MUC4: variants seen among roughly 807,000 people sequenced by gnomAD.
MUC4 encodes the protein mucin-4.
Under a neutral mutation model 257.9 loss-of-function variants are expected in MUC4, and 202 were observed. The observed-to-expected ratio is 0.78, with a 90% CI of 0.70 to 0.88. The LOEUF is 0.88. Ranked by LOEUF, MUC4 falls within the 40% of genes least tolerant of loss-of-function variation. The pLI is 0.00. For missense variants in MUC4, 5,976 were observed against 6,513.7 expected (o/e 0.92, Z 2.84); for synonymous variants, 2,351 against 2,757.1 (o/e 0.85, Z 4.62).
At chr3:195,795,060 T>A (rs1734404079) in intron 1 of MUC4, among the ~76,000 whole-genome samples, 1 of 152,236 alleles carries the variant, frequency 6.6e-6, no homozygotes, top group Non-Finnish European at 1.5e-5. Context: ...TTGATAGGAC[T>A]CTAAACTCGA....
chr3:195,761,135 C>T lies in MUC4; in HGVS notation c.14615-18G>A, dbSNP rs1426617851. On this transcript the variant is annotated intron_variant, in intron 15 of 24. Coordinates refer to ENST00000463781, the MANE Select transcript of MUC4 (RefSeq NM_018406.7). ...GATCTGCCCTGTAACACACAGAGCGCGGTGGTACCAGGCATGGCACTCAGC... is the reference window on the plus strand; with the variant it reads ...GATCTGCCCTGTAACACACAGAGCGTGGTGGTACCAGGCATGGCACTCAGC... 1.9e-5 allele frequency: 30 copies of T among 1,598,204 alleles called. No individual in the cohort carries two copies. Among genetic ancestry groups the T allele is most frequent in the African/African-American group, 8.0e-5 (6 of 74,612 alleles).
chr3:195,808,535 C>A (rs1187081023), intron 1 of MUC4, among the ~76,000 whole-genome samples: 1 of 152,192 alleles, frequency 6.6e-6, no homozygotes, highest in Non-Finnish European at 1.5e-5. Flanking sequence ...ACACCAGATG[C>A]TGTCTCGTTT....
chr3:195,781,053 G>T lies in MUC4; in HGVS notation c.10527C>A (p.Gly3509=). 1.3e-6 allele frequency: 2 copies of T among 1,499,716 alleles called. No individual in the cohort carries two copies. The highest frequency in any genetic ancestry group is 1.2e-5 in the South Asian group (1 of 82,102). The allele number at this position is 1,499,716 out of a possible 1,614,324, so 92.9% of individuals were successfully genotyped here. The change falls in exon 2 of 25, where the codon GGC becomes GGA. Residue 3509 remains glycine, a synonymous_variant. Transcript: ENST00000463781. Reference sequence around the variant, plus strand: ...CGTGACCGGTGGATGCTGAGGAAGCGCCGGTGACAGGAAGAGTGCTGGTGT... The same window carrying T: ...CGTGACCGGTGGATGCTGAGGAAGCTCCGGTGACAGGAAGAGTGCTGGTGT... ...TGDTSTLPVT[G]ASSASTGHAT... is the part of the protein sequence containing the mutation.
intron 1 of MUC4, among the ~76,000 whole-genome samples, chr3:195,808,377 G>T (rs1489846295): frequency 1.3e-5 from 2 of 151,988 alleles, no homozygotes; most frequent in African/African-American, 4.8e-5. Context: ...CACCACGCCC[G>T]GCAAAATTTT....
rs143578760 is a variant in MUC4 at position 195,749,029 on chromosome 3, C to T, written c.15907G>A (p.Asp5303Asn). 9.9e-5 allele frequency: 159 copies of T among 1,608,804 alleles called. No homozygotes were observed. Among genetic ancestry groups the T allele is most frequent in the Middle Eastern group, 3.3e-4 (2 of 6,042 alleles). ...ACCAGGTCGTAGCCCTTGTAGCCATCGCATCTGAAGTAAGCCTTCAGCGTG... is the reference window on the plus strand; with the variant it reads ...ACCAGGTCGTAGCCCTTGTAGCCATTGCATCTGAAGTAAGCCTTCAGCGTG... ...VSTLKAYFRC[D>N]GYKGYDLVYS... Residue 5303 changes from aspartate (D) to asparagine (N), a missense_variant, in exon 24 of 25, where the codon GAT becomes AAT. Physicochemically the swap from Asp to Asn is conservative, Grantham distance 23 (BLOSUM62 1). Coordinates refer to ENST00000463781, the MANE Select transcript of MUC4 (RefSeq NM_018406.7).
chr3:195,754,371 A>G lies in MUC4; in HGVS notation c.15170T>C (p.Val5057Ala), dbSNP rs1285970453. Reference protein sequence around the residue: ...TSRVGNSSLEVAGCKCDGGTF... With the variant: ...TSRVGNSSLEAAGCKCDGGTF... ...GCCCCCGTCACACTTGCAGCCAGCC[A>G]CCTGGAGGAGGGTTGCCGATCACGG... The change falls in exon 19 of 25, where the codon GTG becomes GCG. Residue 5057 changes from valine to alanine, a missense_variant and splice_region_variant. Transcript: ENST00000463781. The G allele has an allele frequency of 6.2e-7, 1 of 1,605,554 alleles. No individual in the cohort carries two copies.
chr3:195,748,913 C>A lies in MUC4; in HGVS notation c.16023G>T (p.Gly5341=). 1 of 1,581,402 alleles carries A rather than the reference C, an allele frequency of 6.3e-7. No homozygotes were observed. Among genetic ancestry groups the A allele is most frequent in the South Asian group, 1.2e-5 (1 of 86,438 alleles). ...ACAGCCCTATGCACCTGCAGCGGGG[C>A]CCACTGGGCAGGTGCTGGCACTGGC... ...HGGQCQHLPS[G]PRCSCVSFSI... Residue 5341 remains glycine (G), a synonymous_variant, in exon 24 of 25, where the codon GGG becomes GGT. Coordinates refer to ENST00000463781, the MANE Select transcript of MUC4 (RefSeq NM_018406.7).
Position 195,762,086 on chromosome 3 carries a change from C to T in MUC4, c.14512+1G>A. ...CAGAGGCAGGTCCGAGCCGCCCTCA[C>T]CCAGGAGCCCCTCCGTGCGGTTCTG... On this transcript the variant is annotated splice_donor_variant, in intron 14 of 24. Transcript: ENST00000463781. LOFTEE classifies it high-confidence loss of function. The T allele has an allele frequency of 6.3e-7, 1 of 1,591,102 alleles. No individual in the cohort carries two copies. Among genetic ancestry groups the T allele is most frequent in the Non-Finnish European group, 8.5e-7 (1 of 1,172,756 alleles).
chr3:195,805,403 A>G (rs78843440), intron 1 of MUC4, among the ~76,000 whole-genome samples: 2,294 of 150,226 alleles, frequency 0.015, 72 homozygotes, highest in African/African-American at 0.053. Flanking sequence ...CTTTTCCCCA[A>G]CGCCTCCTTC....
intron 5 of MUC4, chr3:195,770,946 C>T (rs1248971680): frequency 4.5e-6 from 2 of 447,516 alleles, no homozygotes; most frequent in African/African-American, 4.0e-5. Flanking sequence ...TGTAGGTCTT[C>T]TCGTGGCCGG....
intron 19 of MUC4, 68 bp downstream of exon 19, chr3:195,754,145 G>A: frequency 6.6e-7 from 1 of 1,506,468 alleles, no homozygotes; most frequent in Admixed American, 2.2e-5. Context: ...TTTGCCTTTG[G>A]CTGTCTACAC....
Position 195,787,999 on chromosome 3 carries a change from G to T in MUC4, c.3581C>A (p.Ser1194Tyr). Residue 1194 changes from serine to tyrosine, a missense_variant, in exon 2 of 25, where the codon TCC (serine) becomes TAC (tyrosine). Around this residue, in one of 44 missense-constraint regions of MUC4, gnomAD observed 90 missense variants for 106.2 expected, o/e 0.85. Coordinates refer to ENST00000463781, the MANE Select transcript of MUC4 (RefSeq NM_018406.7). Reference protein sequence around the residue: ...PLPVTSPSSASTGHATPLLVT... With the variant: ...PLPVTSPSSAYTGHATPLLVT... ...AAGAAGAGGGGTGGCGTGACCTGTG[G>T]ATGCTGAGGAAGGGCTAGTGACAGG... 22 of 1,383,276 alleles carry T rather than the reference G, an allele frequency of 1.6e-5. No homozygotes were observed. Among genetic ancestry groups the T allele is most frequent in the Non-Finnish European group, 2.1e-5 (22 of 1,038,684 alleles). 85.7% of individuals were successfully genotyped at this position (1,383,276 alleles called of 1,614,324 possible).
chr3:195,762,116 T>C lies in MUC4; in HGVS notation c.14483A>G (p.Glu4828Gly). ...ILHASASLPP[E>G]YQNRTEGLLG... ...GAGCCCCTCCGTGCGGTTCTGGTAC[T>C]CGGGCGGGAGGCTGGCGGAGGCGTG... The change falls in exon 14 of 25, where the codon GAG (glutamate) becomes GGG (glycine). Residue 4828 changes from glutamate (E) to glycine (G), a missense_variant. This residue lies in a region of MUC4 where 996 missense variants were observed against 1,137.3 expected (regional missense o/e 0.88). Coordinates refer to ENST00000463781, the MANE Select transcript of MUC4 (RefSeq NM_018406.7). 6.2e-7 allele frequency: 1 copy of C among 1,605,828 alleles called. No individual in the cohort carries two copies. Among genetic ancestry groups the C allele is most frequent in the Non-Finnish European group, 8.5e-7 (1 of 1,178,132 alleles).
At chr3:195,791,571 A>G in intron 1 of MUC4, 74 bp from the exon 2 acceptor site, 1 of 926,570 alleles carries the variant, frequency 1.1e-6, no homozygotes, top group Non-Finnish European at 1.7e-6. Flanking sequence ...CTACAAATAG[A>G]ATAAAATACC....
At chr3:195,761,891 G>C (rs972905872) in intron 14 of MUC4, among the ~76,000 whole-genome samples, 196 bp downstream of exon 14, 1 of 152,150 alleles carries the variant, frequency 6.6e-6, no homozygotes, top group Non-Finnish European at 1.5e-5. Context: ...CCCTTAGAGC[G>C]GGCGGAGGAC....
At chr3:195,807,423 A>ACGCCGCTGCACTGAGCTGAGACCG (rs1382561651) in intron 1 of MUC4, among the ~76,000 whole-genome samples, 1 of 152,116 alleles carries the variant, frequency 6.6e-6, no homozygotes, top group Non-Finnish European at 1.5e-5. Flanking sequence ...AGCTGAGACC[A>ACGCCGCTGCACTGAGCTGAGACCG]CGCCACTGCA....
At position 195,759,121 on chromosome 3, in the gene MUC4, T is replaced by C. The variant is rs777973646; in HGVS notation, c.14986+3A>G. The C allele has an allele frequency of 1.9e-6, 3 of 1,611,642 alleles. No individual in the cohort carries two copies. The highest frequency in any genetic ancestry group is 2.2e-5 in the South Asian group (2 of 91,004). ...CTCTCCCCAGCCAGCCAAATAGTCC[T>C]ACCAAAGAGCTCCAAGTCGGTGCAG... is the stretch of plus-strand genomic sequence containing the variant. On this transcript the variant is annotated splice_donor_region_variant and intron_variant, in intron 17 of 24. Transcript: ENST00000463781.
At chr3:195,778,204 C>T (rs1482685033) in intron 3 of MUC4, 99 bp downstream of exon 3, 4 of 1,428,758 alleles carry the variant, frequency 2.8e-6, no homozygotes, top group Admixed American at 5.0e-5. Context: ...GTAAGGCCCT[C>T]CCCACCCGAG....
Position 195,789,045 on chromosome 3 carries a change from G to A in MUC4, c.2535C>T (p.Thr845=), listed in dbSNP as rs573695539. 5.0e-5 allele frequency: 80 copies of A among 1,613,806 alleles called. No individual in the cohort carries two copies. The highest frequency in any genetic ancestry group is 4.1e-4 in the South Asian group (37 of 91,074). The change falls in exon 2 of 25, where the codon ACC becomes ACT. Residue 845 remains threonine (T), a synonymous_variant. Coordinates refer to ENST00000463781, the MANE Select transcript of MUC4 (RefSeq NM_018406.7). ...GACTGGCTGAGGCGGACAGCAATTC[G>A]GTTGTTGACTGGGTTGTGTGACTGT... The part of the protein sequence containing the change: ...SRDSHTTQST[T]ELLSASASHG...
Sources: gnomAD v4.1 joint callset for allele counts (sites outside exome capture counted in the v4.1 genomes callset) on GRCh38, gnomAD v4.1.1 for gene constraint, gnomAD v4.1.1 regional missense constraint, MANE v1.5 for transcripts, NCBI Gene and HGNC (gene_info 2026-07-23, HGNC 2026-07-21) for gene names.